MAP3K1: variants seen among roughly 807,000 people sequenced by gnomAD.
MAP3K1 encodes mitogen-activated protein kinase kinase kinase 1.
A neutral mutation model predicts 144.2 loss-of-function variants in MAP3K1; 36 were observed. That is an observed-to-expected ratio of 0.25 (90% CI 0.19 to 0.33). The LOEUF is 0.33. Among genes scored for constraint, MAP3K1 ranks in the 10% least tolerant of loss-of-function variants. The probability of loss-of-function intolerance (pLI) is 1.00; values close to 1 mark genes in which losing one functional copy is unlikely to be tolerated. For missense variants in MAP3K1, 1,650 were observed against 1,881.9 expected (o/e 0.88, Z 2.28); for synonymous variants, 718 against 688.7 (o/e 1.04, Z -0.67).
chr5:56,864,749 A>G lies in MAP3K1; in HGVS notation c.850A>G (p.Ile284Val), dbSNP rs2111890424. The change falls in exon 4 of 20, where the codon ATC becomes GTC. Residue 284 changes from isoleucine (I) to valine (V), a missense_variant. Coordinates refer to ENST00000399503, the MANE Select transcript of MAP3K1 (RefSeq NM_005921.2). ...TGTTGTGAAGTTTCAGAGTGGCAGA[A>G]TCACACCACCCCGAAGAGCCCCTTC... ...VSPVPFQSGRITPPRRAPSPD... is the reference protein window; with the variant it reads ...VSPVPFQSGRVTPPRRAPSPD... The G allele has an allele frequency of 1.2e-6, 2 of 1,614,124 alleles. No individual in the cohort carries two copies. Among genetic ancestry groups the G allele is most frequent in the Non-Finnish European group, 8.5e-7 (1 of 1,179,998 alleles).
intron 6 of MAP3K1, among the ~76,000 whole-genome samples, chr5:56,870,454 C>T (rs1747817484): frequency 1.3e-5 from 2 of 152,148 alleles, no homozygotes; most frequent in Non-Finnish European, 2.9e-5. Flanking sequence ...CCTCTTTAGC[C>T]TGGCTGCACA....
rs547464467 is a variant in MAP3K1, at chr5:56,881,910, T to A, written c.2710T>A (p.Cys904Ser). 6.2e-7 allele frequency: 1 copy of A among 1,613,948 alleles called. No individual in the cohort carries two copies. The highest frequency in any genetic ancestry group is 1.3e-5 in the African/African-American group (1 of 74,982). ...LETTENSSPE[C>S]TVHLEKTGKG... is the part of the protein sequence containing the mutation. Reference sequence around the variant, plus strand: ...AACCACAGAGAACAGTTCCCCTGAGTGCACAGTCCATTTAGAGAAAACTGG... The same window carrying A: ...AACCACAGAGAACAGTTCCCCTGAGAGCACAGTCCATTTAGAGAAAACTGG... Residue 904 changes from cysteine to serine, a missense_variant, in exon 14 of 20, where the codon TGC becomes AGC. This residue lies in a region of MAP3K1 where 841 missense variants were observed against 886.5 expected (regional missense o/e 0.95). Coordinates refer to ENST00000399503, the MANE Select transcript of MAP3K1 (RefSeq NM_005921.2).
chr5:56,873,703 T>C (rs1226226300), intron 9 of MAP3K1, among the ~76,000 whole-genome samples: 1 of 152,212 alleles, frequency 6.6e-6, no homozygotes, highest in African/African-American at 2.4e-5. Flanking sequence ...ATCTGTTAAA[T>C]TCTGTTGAAT....
chr5:56,841,657 T>C (rs1384428608), intron 1 of MAP3K1, among the ~76,000 whole-genome samples: 2 of 152,364 alleles, frequency 1.3e-5, no homozygotes, highest in East Asian at 1.9e-4. Context: ...TGATGGTGTC[T>C]ATCTGCCTGA....
At chr5:56,880,299 C>G (rs1011735468) in intron 11 of MAP3K1, among the ~76,000 whole-genome samples, 1 of 152,116 alleles carries the variant, frequency 6.6e-6, no homozygotes, top group Non-Finnish European at 1.5e-5. Flanking sequence ...ATATTCAGAC[C>G]TCATTTTGGC....
At chr5:56,844,897 C>T (rs1411042834) in intron 1 of MAP3K1, among the ~76,000 whole-genome samples, 4 of 152,180 alleles carry the variant, frequency 2.6e-5, no homozygotes, top group African/African-American at 9.6e-5. Context: ...GTCATTCTTC[C>T]TCATTCTGAG....
In MAP3K1 at chr5:56,893,688, T is replaced by C. The variant is rs753153318; in HGVS notation, c.*8T>C. On this transcript the variant is annotated 3_prime_UTR_variant, in exon 20 of 20. Transcript: ENST00000399503. ...TTTCGTACTACATGGTAGCCAATTA[T>C]GCAGATCAACTACAGTAGAAACAGG... The C allele has an allele frequency of 7.8e-5, 126 of 1,613,574 alleles. No homozygotes were observed. Among genetic ancestry groups the C allele is most frequent in the South Asian group, 1.1e-5 (1 of 91,080 alleles).
chr5:56,865,378 G>A lies in MAP3K1; in HGVS notation c.1074G>A (p.Leu358=), dbSNP rs757444414. The A allele has an allele frequency of 5.0e-6, 8 of 1,611,330 alleles. No individual in the cohort carries two copies. The highest frequency in any genetic ancestry group is 5.9e-6 in the Non-Finnish European group (7 of 1,177,716). The part of the protein sequence containing the change: ...SCARGTFCIH[L]LFVMLRVFQL... The stretch of plus-strand genomic sequence containing the variant: ...CACGTGGAACATTCTGTATTCATCT[G>A]CTATTTGTGATGCTCCGGGTGTTTC... The change falls in exon 5 of 20, where the codon CTG becomes CTA. Residue 358 remains leucine (L), a synonymous_variant. Transcript: ENST00000399503.
chr5:56,829,643 G>A (rs1351388396), intron 1 of MAP3K1, among the ~76,000 whole-genome samples: 7 of 152,160 alleles, frequency 4.6e-5, no homozygotes, highest in Non-Finnish European at 5.9e-5. Context: ...AGTTCTTACT[G>A]TTGTGATCAG....
At chr5:56,823,608 G>C (rs1472178708) in intron 1 of MAP3K1, among the ~76,000 whole-genome samples, 1 of 152,204 alleles carries the variant, frequency 6.6e-6, no homozygotes, top group Admixed American at 6.5e-5. Context: ...CAAATTAGTG[G>C]ATCCACTGTT....
intron 14 of MAP3K1, among the ~76,000 whole-genome samples, 172 bp from the exon 15 acceptor site, chr5:56,883,355 T>G: frequency 6.6e-6 from 1 of 152,390 alleles, no homozygotes; most frequent in Middle Eastern, 3.4e-3. Context: ...CGGTTAATTG[T>G]ATAATGGTGA....
At chr5:56,832,256 C>G (rs188880095) in intron 1 of MAP3K1, among the ~76,000 whole-genome samples, 1 of 152,212 alleles carries the variant, frequency 6.6e-6, no homozygotes, top group East Asian at 1.9e-4. Context: ...TTTTAGAATT[C>G]GGAAGGACAA....
chr5:56,850,284 G>A (rs1747129464), intron 1 of MAP3K1, among the ~76,000 whole-genome samples: 1 of 152,118 alleles, frequency 6.6e-6, no homozygotes, highest in Non-Finnish European at 1.5e-5. Flanking sequence ...GCTCTGAATT[G>A]TGCCTATCCC....
At chr5:56,863,004 G>A (rs986086875) in intron 3 of MAP3K1, among the ~76,000 whole-genome samples, 28 of 152,156 alleles carry the variant, frequency 1.8e-4, no homozygotes, top group Admixed American at 1.8e-3. Flanking sequence ...GTAGCCTGGG[G>A]TTGTTTCTAC....
intron 1 of MAP3K1, among the ~76,000 whole-genome samples, chr5:56,821,543 G>A (rs1175299945): frequency 6.6e-6 from 1 of 152,188 alleles, no homozygotes; most frequent in Non-Finnish European, 1.5e-5. Context: ...GCTCTTGACA[G>A]ATGTTATCAT....
chr5:56,875,237 T>C lies in MAP3K1; in HGVS notation c.1892T>C (p.Val631Ala), dbSNP rs747821377. ...GSSQTSISGD[V>A]VEACCSVLSM... ...TCCCAGACCAGTATCTCAGGAGATG[T>C]GGTGGAGGCATGCTGCAGCGTTCTG... The change falls in exon 10 of 20, where the codon GTG (valine) becomes GCG (alanine). Residue 631 changes from valine (V) to alanine (A), a missense_variant. By Grantham distance (64) the Val-to-Ala change is moderately conservative. Around this residue, in one of 6 missense-constraint regions of MAP3K1, gnomAD observed 841 missense variants for 886.5 expected, o/e 0.95. Coordinates refer to ENST00000399503, the MANE Select transcript of MAP3K1 (RefSeq NM_005921.2). 7 of 1,614,084 alleles carry C rather than the reference T, an allele frequency of 4.3e-6. No individual in the cohort carries two copies. Among genetic ancestry groups the C allele is most frequent in the Non-Finnish European group, 5.1e-6 (6 of 1,179,998 alleles).
At chr5:56,887,957 A>G (rs1252013144) in intron 18 of MAP3K1, 5 of 516,894 alleles carry the variant, frequency 9.7e-6, no homozygotes, top group African/African-American at 3.8e-5. Flanking sequence ...ATATGTAGTA[A>G]TGATCTGTTG....
At position 56,895,908 on chromosome 5, in the gene MAP3K1, TGATTCCTAA is replaced by T. The variant is rs1748688394; in HGVS notation, c.*2233_*2241del. The T allele has an allele frequency of 4.4e-6, 1 of 229,316 alleles. No homozygotes were observed. The highest frequency in any genetic ancestry group is 2.2e-5 in the African/African-American group (1 of 44,586). The allele number at this position is 229,316 out of a possible 1,614,324, so 14.2% of individuals were successfully genotyped here. A position where few individuals can be genotyped will look rare whatever the true frequency, so the allele number is the denominator to read the frequency against. On this transcript the variant is annotated 3_prime_UTR_variant, in exon 20 of 20. Coordinates refer to ENST00000399503, the MANE Select transcript of MAP3K1 (RefSeq NM_005921.2). ...TGAAATTATATTTGCTGTGTGACTATGATTCCTAAGATTTCCAGGGCTTAAGGGCTAACT... is the reference window on the plus strand; with the variant it reads ...TGAAATTATATTTGCTGTGTGACTATGATTTCCAGGGCTTAAGGGCTAACT...
At chr5:56,888,136 C>T in intron 18 of MAP3K1, 90 bp from the exon 19 acceptor site, 1 of 1,221,076 alleles carries the variant, frequency 8.2e-7, no homozygotes, top group Non-Finnish European at 1.2e-6. Context: ...AGTTTTCTCC[C>T]TAAAGTAAGG....
Sources: gnomAD v4.1 joint callset for allele counts (sites outside exome capture counted in the v4.1 genomes callset) on GRCh38, gnomAD v4.1.1 for gene constraint, gnomAD v4.1.1 regional missense constraint, MANE v1.5 for transcripts, NCBI Gene and HGNC (gene_info 2026-07-23, HGNC 2026-07-21) for gene names.